SGCD: variants seen among roughly 807,000 people sequenced by gnomAD.
SGCD encodes delta-sarcoglycan.
A neutral mutation model predicts 36.6 loss-of-function variants in SGCD; 18 were observed. The ratio of observed to expected loss-of-function variants is 0.49; its 90% CI spans 0.34 to 0.73. The LOEUF is 0.73. SGCD is among the 30% of genes least tolerant of loss of function. The probability of loss-of-function intolerance (pLI) is 0.01; values close to 1 mark genes in which losing one functional copy is unlikely to be tolerated. For missense variants in SGCD, 387 were observed against 346.7 expected (o/e 1.12, Z -0.92); for synonymous variants, 133 against 130.6 (o/e 1.02, Z -0.12).
the SGCD span, among the ~76,000 whole-genome samples, chr5:155,730,445 C>CTGTGTGTGTGTGTGTGTGTG: frequency 0.084 from 11,551 of 136,996 alleles, 680 homozygotes; most frequent in Non-Finnish European, 0.1. Flanking sequence ...GGTAGAGCAG[C>CTGTGTGTGTGTGTGTGTGTG]TGTGTGTGTG....
chr5:156,056,663 A>AAAAC (rs1257401479), intron 1 of SGCD, among the ~76,000 whole-genome samples: 4 of 142,148 alleles, frequency 2.8e-5, no homozygotes, highest in African/African-American at 1.0e-4. Context: ...AAAAAAAAAA[A>AAAAC]AACAGTCTCC....
intron 3 of SGCD, among the ~76,000 whole-genome samples, chr5:156,276,633 A>G (rs1554089339): frequency 6.6e-6 from 1 of 152,162 alleles, no homozygotes; most frequent in African/African-American, 2.4e-5. Context: ...TTTATTCTTC[A>G]TGCATTCAAC....
rs533222178 is a variant in SGCD, at chr5:156,492,657, T to C, written c.193-15944T>C. Among the ~76,000 whole-genome samples the C allele has an allele frequency of 2.0e-5, 3 of 152,294 alleles. No individual in the cohort carries two copies. The East Asian group carries it at 5.8e-4, about 29-fold the overall frequency. On this transcript the variant is annotated intron_variant, in intron 3 of 8. Coordinates refer to ENST00000337851, the MANE Select transcript of SGCD (RefSeq NM_000337.6). ...GTATACACGTGCCATGATGGTTTGC[T>C]GCACCCATCAACCCGTCATCTACAT...
intron 7 of SGCD, among the ~76,000 whole-genome samples, chr5:156,683,658 C>A (rs1261542065): frequency 6.6e-6 from 1 of 152,150 alleles, no homozygotes; most frequent in African/African-American, 2.4e-5. Flanking sequence ...GCATCTAAAC[C>A]CCTATTCAAT....
chr5:156,440,573 C>A (rs1367214079), intron 3 of SGCD, among the ~76,000 whole-genome samples: 2 of 152,144 alleles, frequency 1.3e-5, no homozygotes, highest in Non-Finnish European at 1.5e-5. Flanking sequence ...TTTGGCATCT[C>A]CACCAGCAAT....
chr5:155,743,811 C>A, the SGCD span, among the ~76,000 whole-genome samples: 1 of 152,196 alleles, frequency 6.6e-6, no homozygotes, highest in Non-Finnish European at 1.5e-5. Flanking sequence ...CAAAATTGTT[C>A]TAACTGCAAA....
chr5:156,039,592 A>G (rs1373691147), intron 1 of SGCD, among the ~76,000 whole-genome samples: 1 of 152,216 alleles, frequency 6.6e-6, no homozygotes, highest in Admixed American at 6.5e-5. Context: ...AGACAATTGA[A>G]ACATTTGTCT....
At chr5:155,809,124 T>G in the SGCD span, among the ~76,000 whole-genome samples, 2 of 152,228 alleles carry the variant, frequency 1.3e-5, no homozygotes, top group Non-Finnish European at 1.5e-5. Flanking sequence ...CTGTCCCTTC[T>G]GAACTGTTCC....
chr5:156,067,966 C>T (rs1316320563), intron 1 of SGCD, among the ~76,000 whole-genome samples: 1 of 129,246 alleles, frequency 7.7e-6, no homozygotes, highest in African/African-American at 4.7e-5. Flanking sequence ...GCTCCTCCCC[C>T]CCACTTTTTT....
rs894636113 is a variant in SGCD, at chr5:156,638,113, T to G, written c.503-9351T>G. 1.1e-4 allele frequency among the ~76,000 whole-genome samples: 16 copies of G among 152,238 alleles called. No individual in the cohort carries two copies. The South Asian group carries it at 1.2e-3, about 12-fold the overall frequency. ...ACTTTTTCAAAGACCAGGAAATTCT[T>G]AAAATCATACACTTTTTTTTTTTTT... On this transcript the variant is annotated intron_variant, in intron 6 of 8. Coordinates refer to ENST00000337851, the MANE Select transcript of SGCD (RefSeq NM_000337.6).
chr5:156,713,109 G>C (rs896873316), intron 7 of SGCD, among the ~76,000 whole-genome samples: 3 of 152,018 alleles, frequency 2.0e-5, no homozygotes, highest in Non-Finnish European at 4.4e-5. Context: ...GGGTAGCCGG[G>C]CAGGTACAGG....
Position 156,362,363 on chromosome 5 carries a change from G to A in SGCD, c.192+17686G>A, listed in dbSNP as rs569167529. ...TTCAAATGGTTTAGAAATAGCATTC[G>A]AGGCTGGCACGTGGTGGCTCATGCC... is the stretch of plus-strand genomic sequence containing the variant. On this transcript the variant is annotated intron_variant, in intron 3 of 8. Transcript: ENST00000337851. Among the ~76,000 whole-genome samples, 112 of 152,276 alleles carry A rather than the reference G, an allele frequency of 7.4e-4. 1 individual carries two copies. The highest frequency in any genetic ancestry group is 2.6e-3 in the African/African-American group (108 of 41,564).
chr5:156,744,141 A>T (rs1756829315), intron 7 of SGCD, among the ~76,000 whole-genome samples: 1 of 152,054 alleles, frequency 6.6e-6, no homozygotes, highest in Non-Finnish European at 1.5e-5. Context: ...ACATAGTGAG[A>T]CCCCTGTCTC....
intron 1 of SGCD, among the ~76,000 whole-genome samples, chr5:155,883,570 T>C (rs1180110894): frequency 6.6e-6 from 1 of 152,084 alleles, no homozygotes; most frequent in Non-Finnish European, 1.5e-5. Context: ...ACAACATTTA[T>C]GGATACAGTT....
intron 3 of SGCD, among the ~76,000 whole-genome samples, chr5:156,279,984 A>AAC (rs141892026): frequency 0.069 from 10,186 of 148,588 alleles, 353 homozygotes; most frequent in Non-Finnish European, 0.08. Context: ...CACACATACA[A>AAC]ACACACACAC....
intron 1 of SGCD, among the ~76,000 whole-genome samples, chr5:156,043,106 T>A (rs1300288871): frequency 1.3e-5 from 2 of 152,210 alleles, no homozygotes; most frequent in Admixed American, 1.3e-4. Context: ...TTTACTGTCA[T>A]AATTTTCTTA....
intron 3 of SGCD, among the ~76,000 whole-genome samples, chr5:156,193,287 C>A (rs1763938663): frequency 6.6e-6 from 1 of 152,146 alleles, no homozygotes; most frequent in African/African-American, 2.4e-5. Context: ...TGATTTCCAG[C>A]CATACAGGAA....
chr5:156,737,898 G>C (rs550008663), intron 7 of SGCD, among the ~76,000 whole-genome samples: 3 of 152,288 alleles, frequency 2.0e-5, no homozygotes, highest in African/African-American at 7.2e-5. Context: ...CTAACTCAAT[G>C]ACAGGCATCT....
chr5:156,706,992 G>T (rs1197058461), intron 7 of SGCD, among the ~76,000 whole-genome samples: 3 of 152,106 alleles, frequency 2.0e-5, no homozygotes, highest in Non-Finnish European at 4.4e-5. Context: ...TATAGTATTT[G>T]TTACCTGAAC....
Sources: allele counts gnomAD v4.1 joint callset (sites outside exome capture counted in the v4.1 genomes callset), GRCh38; gene constraint gnomAD v4.1.1; transcripts MANE v1.5; gene names NCBI Gene and HGNC (gene_info 2026-07-23, HGNC 2026-07-21).